Variants in VTI1A observed in about 807,000 individuals in gnomAD.
The protein encoded by VTI1A is vesicle transport through interaction with t-SNAREs 1A, also known as vesicle transport through interaction with t-SNAREs homolog 1A.
VTI1A carries 22 observed loss-of-function variants against 34.9 expected under a neutral mutation model. That is an observed-to-expected ratio of 0.63 (90% confidence interval 0.45 to 0.90). The LOEUF is 0.90. Among genes scored for constraint, VTI1A ranks in the 40% least tolerant of loss-of-function variants. VTI1A has a pLI of 0.00. For missense variants in VTI1A, 268 were observed against 275.6 expected (o/e 0.97, Z 0.20); for synonymous variants, 87 against 97.3 (o/e 0.89, Z 0.62).
At chr10:112,493,744 ATTGTG>A (rs1848917175) in intron 3 of VTI1A, among the ~76,000 whole-genome samples, 1 of 152,056 alleles carries the variant, frequency 6.6e-6, no homozygotes, top group African/African-American at 2.4e-5. Context: ...TTTGCCCTTT[ATTGTG>A]TTAATATATA....
At chr10:112,488,570 A>G (rs943807200) in intron 3 of VTI1A, among the ~76,000 whole-genome samples, 2 of 152,156 alleles carry the variant, frequency 1.3e-5, no homozygotes, top group Admixed American at 6.5e-5. Flanking sequence ...TTAGAAACCT[A>G]TATTATTTGA....
intron 3 of VTI1A, among the ~76,000 whole-genome samples, chr10:112,479,523 C>G (rs1019765208): frequency 6.6e-6 from 1 of 152,174 alleles, no homozygotes; most frequent in African/African-American, 2.4e-5. Context: ...GAAAAATCAA[C>G]CACTTGAGAA....
At chr10:112,513,455 C>G (rs886315211) in intron 3 of VTI1A, among the ~76,000 whole-genome samples, 4 of 151,872 alleles carry the variant, frequency 2.6e-5, no homozygotes, top group African/African-American at 9.7e-5. Flanking sequence ...TTAGGGTTTT[C>G]TATATATAAG....
At chr10:112,850,705 A>G in the VTI1A span, among the ~76,000 whole-genome samples, 1 of 152,210 alleles carries the variant, frequency 6.6e-6, no homozygotes, top group Non-Finnish European at 1.5e-5. Flanking sequence ...AAGTGTCACA[A>G]AAGACCAGCT....
chr10:112,731,837 C>T (rs1248803912), intron 7 of VTI1A, among the ~76,000 whole-genome samples: 2 of 151,994 alleles, frequency 1.3e-5, no homozygotes, highest in East Asian at 3.9e-4. Flanking sequence ...GTAGCTGATC[C>T]AAGACATTTT....
intron 7 of VTI1A, among the ~76,000 whole-genome samples, chr10:112,755,205 G>A (rs781062889): frequency 1.3e-5 from 2 of 152,078 alleles, no homozygotes; most frequent in Admixed American, 6.5e-5. Flanking sequence ...GCAGCGAGCC[G>A]AGATTGTGCC....
chr10:112,649,434 C>T (rs1012606149), intron 5 of VTI1A, among the ~76,000 whole-genome samples: 1 of 152,158 alleles, frequency 6.6e-6, no homozygotes, highest in Non-Finnish European at 1.5e-5. Context: ...TAATATCAAT[C>T]TAGTGCCTAC....
intron 7 of VTI1A, among the ~76,000 whole-genome samples, chr10:112,762,414 A>T (rs1316650592): frequency 6.6e-6 from 1 of 152,232 alleles, no homozygotes; most frequent in Non-Finnish European, 1.5e-5. Flanking sequence ...AGAGGTTCCT[A>T]CGAATTGGAA....
At chr10:112,465,731 C>T (rs1847875195) in intron 3 of VTI1A, among the ~76,000 whole-genome samples, 1 of 152,094 alleles carries the variant, frequency 6.6e-6, no homozygotes, top group Non-Finnish European at 1.5e-5. Context: ...AGAGTTGTTT[C>T]ATGGGCAAAG....
intron 7 of VTI1A, among the ~76,000 whole-genome samples, chr10:112,788,810 ATTTT>A (rs557587978): frequency 6.6e-6 from 1 of 151,724 alleles, no homozygotes; most frequent in Non-Finnish European, 1.5e-5. Flanking sequence ...TCACATATTG[ATTTT>A]TTTTATTACA....
chr10:112,709,081 A>G (rs1175024284), intron 7 of VTI1A, among the ~76,000 whole-genome samples: 1 of 151,944 alleles, frequency 6.6e-6, no homozygotes, highest in Non-Finnish European at 1.5e-5. Context: ...CCTCACCTCC[A>G]TCCTGTTCCT....
the VTI1A span, among the ~76,000 whole-genome samples, chr10:112,850,802 G>C: frequency 2.0e-5 from 3 of 152,138 alleles, no homozygotes; most frequent in Non-Finnish European, 4.4e-5. Flanking sequence ...CAACACCAGC[G>C]CCTTCTTGGC....
At chr10:112,713,975 G>A (rs1317662991) in intron 7 of VTI1A, among the ~76,000 whole-genome samples, 3 of 152,004 alleles carry the variant, frequency 2.0e-5, no homozygotes, top group Non-Finnish European at 4.4e-5. Context: ...GTGTATTTTG[G>A]CACCCAGCCT....
At chr10:112,483,074 G>T (rs1377027750) in intron 3 of VTI1A, among the ~76,000 whole-genome samples, 1 of 152,156 alleles carries the variant, frequency 6.6e-6, no homozygotes, top group Non-Finnish European at 1.5e-5. Flanking sequence ...GTATCTTCCA[G>T]GAGGGTAAGG....
At chr10:112,768,340 G>A (rs900259982) in intron 7 of VTI1A, among the ~76,000 whole-genome samples, 1 of 152,174 alleles carries the variant, frequency 6.6e-6, no homozygotes, top group Non-Finnish European at 1.5e-5. Context: ...AGAGCAGGAC[G>A]TGGCAGTTGT....
intron 7 of VTI1A, among the ~76,000 whole-genome samples, chr10:112,669,784 T>C (rs1036290222): frequency 1.3e-5 from 2 of 152,182 alleles, no homozygotes; most frequent in African/African-American, 4.8e-5. Flanking sequence ...GTTGATACTA[T>C]AGAGACAACC....
At chr10:112,565,228 T>C (rs1171130491) in intron 5 of VTI1A, among the ~76,000 whole-genome samples, 1 of 152,160 alleles carries the variant, frequency 6.6e-6, no homozygotes, top group African/African-American at 2.4e-5. Context: ...TTAAAATTTG[T>C]AGTGTATTTA....
intron 7 of VTI1A, among the ~76,000 whole-genome samples, chr10:112,776,863 A>G (rs1851969188): frequency 6.6e-6 from 1 of 151,974 alleles, no homozygotes; most frequent in Non-Finnish European, 1.5e-5. Flanking sequence ...TTTTTAGTAT[A>G]GACGGGGTTT....
intron 7 of VTI1A, among the ~76,000 whole-genome samples, chr10:112,786,021 G>A (rs1852277636): frequency 1.3e-5 from 2 of 152,044 alleles, no homozygotes; most frequent in Admixed American, 1.3e-4. Context: ...AAAAAAAAAT[G>A]CTTGCTGACA....
Sources: allele counts gnomAD v4.1 joint callset (sites outside exome capture counted in the v4.1 genomes callset), GRCh38; gene constraint gnomAD v4.1.1; transcripts MANE v1.5; gene names NCBI Gene and HGNC (gene_info 2026-07-23, HGNC 2026-07-21).